Variants in GNG2 observed in about 807,000 individuals in gnomAD.
GNG2 encodes guanine nucleotide-binding protein G(I)/G(S)/G(O) subunit gamma-2.
A neutral mutation model predicts 5.5 loss-of-function variants in GNG2; 5 were observed. The observed-to-expected ratio is 0.91, with a 90% CI of 0.48 to 1.92. The LOEUF is 1.92. Ranked by LOEUF, GNG2 falls within the 30% of genes most tolerant of loss-of-function variation. GNG2 has a pLI of 0.01. For missense variants in GNG2, 55 were observed against 88.4 expected (o/e 0.62, Z 1.52); for synonymous variants, 28 against 32.0 (o/e 0.88, Z 0.42).
intron 2 of GNG2, chr14:51,914,038 G>C: frequency 5.8e-6 from 3 of 521,530 alleles, no homozygotes. Flanking sequence ...GCTTAAAACT[G>C]GGAGTCACTG....
Position 51,889,365 on chromosome 14 carries a change from G to A in GNG2, c.-30+11708G>A, listed in dbSNP as rs114007559. On this transcript the variant is annotated intron_variant, in intron 2 of 3. Transcript: ENST00000556766. ...TGACCTCAAGTGATCCGCCTGCCTC[G>A]GCCTCACAAAGTGAGCCACCATGCC... is the stretch of plus-strand genomic sequence containing the variant. Among the ~76,000 whole-genome samples, 442 of 152,012 alleles carry A rather than the reference G, an allele frequency of 2.9e-3. 3 individuals are homozygous for A. The highest frequency in any genetic ancestry group is 0.01 in the African/African-American group (416 of 41,448).
At chr14:51,918,672 A>T (rs1886807057) in intron 2 of GNG2, 1 of 152,246 alleles carries the variant, frequency 6.6e-6, no homozygotes, top group Non-Finnish European at 1.5e-5. Flanking sequence ...AATAGAAACT[A>T]AAGCAGATTT....
intron 2 of GNG2, among the ~76,000 whole-genome samples, chr14:51,897,794 G>A (rs1305860706): frequency 6.6e-6 from 1 of 152,202 alleles, no homozygotes; most frequent in Non-Finnish European, 1.5e-5. Flanking sequence ...GTTGGAGCCA[G>A]GGTCCCATAG....
intron 2 of GNG2, among the ~76,000 whole-genome samples, chr14:51,836,268 C>T (rs1046197948): frequency 3.3e-5 from 5 of 151,824 alleles, no homozygotes; most frequent in Non-Finnish European, 7.4e-5. Context: ...GTTTAGGCTT[C>T]AACATATGAA....
At chr14:51,895,891 C>T (rs569052640) in intron 2 of GNG2, among the ~76,000 whole-genome samples, 1 of 152,212 alleles carries the variant, frequency 6.6e-6, no homozygotes, top group African/African-American at 2.4e-5. Flanking sequence ...TGCACATGCT[C>T]TCTTTGCCTG....
chr14:51,941,073 G>T lies in GNG2; in HGVS notation c.-29-9577G>T, dbSNP rs544494086. 1.1e-3 allele frequency among the ~76,000 whole-genome samples: 166 copies of T among 151,840 alleles called. 2 individuals carry two copies. The highest frequency in any genetic ancestry group is 3.8e-3 in the African/African-American group (158 of 41,452). On this transcript the variant is annotated intron_variant, in intron 2 of 3. Coordinates refer to ENST00000556766, the MANE Select transcript of GNG2 (RefSeq NM_053064.5). The stretch of plus-strand genomic sequence containing the variant: ...GTTGTGTGTATATATACATCATTTA[G>T]TAGTATATAATATAGCATATGTTAG...
chr14:51,951,812 C>T, intron 3 of GNG2: 1 of 688,404 alleles, frequency 1.5e-6, no homozygotes, highest in Non-Finnish European at 2.6e-6. Context: ...CACTCTAAAA[C>T]AGCAGAGTAG....
intron 2 of GNG2, chr14:51,827,825 G>T: frequency 1.5e-6 from 1 of 675,950 alleles, no homozygotes; most frequent in East Asian, 2.7e-5. Context: ...TCAACAAATG[G>T]TGATGGAAGG....
At chr14:51,945,228 T>C (rs1241428907) in intron 2 of GNG2, among the ~76,000 whole-genome samples, 1 of 152,132 alleles carries the variant, frequency 6.6e-6, no homozygotes, top group Non-Finnish European at 1.5e-5. Context: ...CTTTAAAAGA[T>C]GTTTGGACTA....
At chr14:51,890,902 T>C (rs55802493) in intron 2 of GNG2, among the ~76,000 whole-genome samples, 75,756 of 152,032 alleles carry the variant, frequency 0.5, 19,293 homozygotes, top group African/African-American at 0.6. Context: ...ACACATGGTA[T>C]ATGAAATTGA....
chr14:51,958,232 G>A (rs1302626976), intron 3 of GNG2, among the ~76,000 whole-genome samples: 1 of 152,086 alleles, frequency 6.6e-6, no homozygotes, highest in African/African-American at 2.4e-5. Flanking sequence ...GATGTTCTAA[G>A]CTCCCCTTGT....
chr14:51,966,524 A>G (rs1889930813), intron 3 of GNG2, 35 bp from the exon 4 acceptor site: 1 of 1,601,808 alleles, frequency 6.2e-7, no homozygotes, highest in Non-Finnish European at 8.6e-7. Flanking sequence ...ACTGTACCAG[A>G]CTCCAGTGTT....
intron 2 of GNG2, among the ~76,000 whole-genome samples, chr14:51,853,831 T>C (rs73291053): frequency 0.028 from 4,244 of 152,208 alleles, 182 homozygotes; most frequent in African/African-American, 0.094. Context: ...TGTCACACTT[T>C]GCTGCTAACT....
intron 2 of GNG2, among the ~76,000 whole-genome samples, chr14:51,937,138 G>A (rs184995767): frequency 6.6e-6 from 1 of 152,240 alleles, no homozygotes; most frequent in Non-Finnish European, 1.5e-5. Flanking sequence ...TTGTCAAAGG[G>A]ATATTGGCAT....
chr14:51,828,165 TG>T (rs1260214730), intron 2 of GNG2, among the ~76,000 whole-genome samples: 1 of 152,140 alleles, frequency 6.6e-6, no homozygotes, highest in African/African-American at 2.4e-5. Flanking sequence ...AGTCACTGTG[TG>T]GTGAAAGCCA....
At chr14:51,889,799 T>A (rs1252532648) in intron 2 of GNG2, among the ~76,000 whole-genome samples, 1 of 152,200 alleles carries the variant, frequency 6.6e-6, no homozygotes, top group African/African-American at 2.4e-5. Context: ...CCGTACTGTT[T>A]TGGTTTATTG....
At chr14:51,849,864 T>A (rs1345212598) in intron 2 of GNG2, among the ~76,000 whole-genome samples, 2 of 150,162 alleles carry the variant, frequency 1.3e-5, no homozygotes, top group Non-Finnish European at 3.0e-5. Flanking sequence ...TGGAGTGCAG[T>A]GTCATGATTG....
intron 3 of GNG2, among the ~76,000 whole-genome samples, chr14:51,954,952 A>G (rs182847186): frequency 1.4e-4 from 21 of 152,324 alleles, no homozygotes; most frequent in Admixed American, 5.2e-4. Context: ...TCCATTATAC[A>G]GACATAGCCC....
chr14:51,858,680 C>T (rs1297749551), upstream of GNG2, among the ~76,000 whole-genome samples: 2 of 152,126 alleles, frequency 1.3e-5, no homozygotes, highest in African/African-American at 4.8e-5. Flanking sequence ...TTAGACTTGG[C>T]ATCATGCATA....
Sources: gnomAD v4.1 joint callset for allele counts (sites outside exome capture counted in the v4.1 genomes callset) on GRCh38, gnomAD v4.1.1 for gene constraint, MANE v1.5 for transcripts, NCBI Gene and HGNC (gene_info 2026-07-23, HGNC 2026-07-21) for gene names.